The following NIN variants were observed in gnomAD, a reference collection of about 807,000 sequenced individuals.
The protein encoded by NIN is ninein.
Under a neutral mutation model 257.6 loss-of-function variants are expected in NIN, and 137 were observed. The observed-to-expected ratio is 0.53, with a 90% CI of 0.46 to 0.61. The LOEUF is 0.61. NIN is among the 20% of genes least tolerant of loss of function. The probability of loss-of-function intolerance (pLI) is 0.00; values close to 1 mark genes in which losing one functional copy is unlikely to be tolerated. For synonymous variants in NIN, 918 were observed against 919.8 expected (o/e 1.00, Z 0.04); for missense variants, 2,439 against 2,501.2 (o/e 0.98, Z 0.53).
rs73297303 is a variant in NIN at position 50,753,916 on chromosome 14, T to C, written c.4734+647A>G. ...TCTGTGACTTGACCATTCATATAGA[T>C]TGCCTATATTTCAACTGGATTTTCC... On this transcript the variant is annotated intron_variant, in intron 20 of 30. Coordinates refer to ENST00000530997, the MANE Select transcript of NIN (RefSeq NM_020921.4). Among the ~76,000 whole-genome samples, 1,017 of 152,326 alleles carry C rather than the reference T, an allele frequency of 6.7e-3. 12 individuals carry two copies. Among genetic ancestry groups the C allele is most frequent in the East Asian group, 0.025 (132 of 5,188 alleles).
intron 2 of NIN, among the ~76,000 whole-genome samples, chr14:50,826,375 A>C (rs1232224982): frequency 3.3e-5 from 5 of 152,200 alleles, no homozygotes; most frequent in African/African-American, 1.2e-4. Context: ...GTTAAATAAG[A>C]AGCAGATGCA....
intron 3 of NIN, among the ~76,000 whole-genome samples, chr14:50,820,876 A>G (rs936744741): frequency 6.6e-6 from 1 of 152,212 alleles, no homozygotes; most frequent in African/African-American, 2.4e-5. Context: ...AGGTTACAGA[A>G]AGCCAATACA....
chr14:50,794,363 G>A (rs1258211276), intron 4 of NIN: 4 of 268,862 alleles, frequency 1.5e-5, no homozygotes, highest in African/African-American at 6.9e-5. Context: ...TTATTAGGTC[G>A]AGTGATTCTC....
chr14:50,754,227 G>A (rs1392643959), intron 20 of NIN, among the ~76,000 whole-genome samples: 2 of 152,102 alleles, frequency 1.3e-5, no homozygotes, highest in African/African-American at 2.4e-5. Flanking sequence ...ATCATGGTGA[G>A]GAAAAAGGAA....
At chr14:50,787,209 G>A (rs1178202440) in intron 5 of NIN, among the ~76,000 whole-genome samples, 1 of 152,198 alleles carries the variant, frequency 6.6e-6, no homozygotes, top group Non-Finnish European at 1.5e-5. Flanking sequence ...TTTATTCCCT[G>A]TGGAGGAAAA....
At chr14:50,731,617 C>T (rs984295731) in intron 28 of NIN, among the ~76,000 whole-genome samples, 5 of 151,722 alleles carry the variant, frequency 3.3e-5, no homozygotes, top group Non-Finnish European at 7.4e-5. Flanking sequence ...AGGTGGATCA[C>T]GAGGTCAGGA....
chr14:50,729,652 C>T lies in NIN; in HGVS notation c.5949G>A (p.Gln1983=). 6.2e-7 allele frequency: 1 copy of T among 1,613,888 alleles called. No individual in the cohort carries two copies. Among genetic ancestry groups the T allele is most frequent in the African/African-American group, 1.3e-5 (1 of 75,048 alleles). The change falls in exon 29 of 31, where the codon CAG becomes CAA. Residue 1983 remains glutamine (Q), a synonymous_variant. Transcript: ENST00000530997. The part of the protein sequence containing the change: ...PHAWDLQLLQ[Q]QACPMVPREQ... ...CCCTGGGCACCATCGGACAGGCTTG[C>T]TGCTGGAGCAGCTGCAAATCCCAAG...
intron 9 of NIN, 130 bp downstream of exon 9, chr14:50,772,171 A>G: frequency 1.1e-6 from 1 of 889,188 alleles, no homozygotes; most frequent in South Asian, 2.1e-5. Context: ...GTTACCTTTT[A>G]TCTTTGAGAC....
intron 4 of NIN, among the ~76,000 whole-genome samples, chr14:50,805,079 T>C (rs2044262693): frequency 6.6e-6 from 1 of 152,204 alleles, no homozygotes; most frequent in Non-Finnish European, 1.5e-5. Context: ...AGCAGGAGGA[T>C]CATGTGGATT....
chr14:50,726,007 T>A lies in NIN; in HGVS notation c.6138A>T (p.Lys2046Asn), dbSNP rs778162546. 3.1e-6 allele frequency: 5 copies of A among 1,614,106 alleles called. No homozygotes were observed. The East Asian group carries it at 8.9e-5, about 29-fold the overall frequency. The change falls in exon 30 of 31, where the codon AAA becomes AAT. Residue 2046 changes from lysine to asparagine, a missense_variant. Transcript: ENST00000530997. ...MEERMIEVEQ[K>N]LKLVKRLLQE... ...GAAGAAGCCTTTTCACTAGTTTCAG[T>A]TTCTGTTCAACTTCTATCATTCGTT...
intron 4 of NIN, chr14:50,806,486 G>T: frequency 2.6e-6 from 1 of 384,770 alleles, no homozygotes; most frequent in Non-Finnish European, 4.6e-6. Context: ...TTCCAAGAAT[G>T]AGTTATTGCC....
intron 12 of NIN, 68 bp downstream of exon 12, chr14:50,770,320 C>T (rs934396033): frequency 1.3e-6 from 2 of 1,501,210 alleles, no homozygotes; most frequent in African/African-American, 1.4e-5. Context: ...TGCCCACTTC[C>T]AAAGCTGTAG....
chr14:50,827,901 C>G (rs1451158276), intron 2 of NIN, among the ~76,000 whole-genome samples: 1 of 151,118 alleles, frequency 6.6e-6, no homozygotes, highest in Non-Finnish European at 1.5e-5. Flanking sequence ...ATGTAATAAA[C>G]CCATGCTTTT....
intron 20 of NIN, 108 bp downstream of exon 20, chr14:50,754,455 T>A: frequency 1.2e-6 from 1 of 832,972 alleles, no homozygotes; most frequent in Non-Finnish European, 1.9e-6. Context: ...AACCTTACCA[T>A]CATTAGCTAT....
intron 12 of NIN, among the ~76,000 whole-genome samples, chr14:50,767,971 AT>A (rs1267055485): frequency 2.6e-5 from 4 of 152,006 alleles, no homozygotes; most frequent in Non-Finnish European, 4.4e-5. Context: ...ATAATAACAC[AT>A]CAACTAAAAC....
chr14:50,761,921 C>T lies in NIN; in HGVS notation c.1775-10G>A. 6.2e-7 allele frequency: 1 copy of T among 1,613,926 alleles called. No homozygotes were observed. Among genetic ancestry groups the T allele is most frequent in the Non-Finnish European group, 8.5e-7 (1 of 1,179,862 alleles). On this transcript the variant is annotated splice_polypyrimidine_tract_variant and intron_variant, in intron 15 of 30. Transcript: ENST00000530997. Reference sequence around the variant, plus strand: ...TCTTCAGAACCGAGCCCTGAAAACACATGGGACTCATTGATCCTGCAGCAG... The same window carrying T: ...TCTTCAGAACCGAGCCCTGAAAACATATGGGACTCATTGATCCTGCAGCAG...
At chr14:50,831,168 C>T (rs1331416936), upstream of NIN, 1 of 150,764 alleles carries the variant, frequency 6.6e-6, no homozygotes, top group Admixed American at 6.6e-5. Flanking sequence ...GGGCCGGGCC[C>T]GCGCGGGGAG....
Position 50,729,640 on chromosome 14 carries a change from C to T in NIN, c.5961G>A (p.Pro1987=), listed in dbSNP as rs200967473. The T allele has an allele frequency of 4.7e-5, 76 of 1,613,996 alleles. No homozygotes were observed. In the Admixed American group the frequency reaches 5.5e-4, roughly 12 times the overall value. Residue 1987 remains proline (P), a synonymous_variant, in exon 29 of 31, where the codon CCG becomes CCA. Coordinates refer to ENST00000530997, the MANE Select transcript of NIN (RefSeq NM_020921.4). ...GCAGAAACTGCTCCCTGGGCACCAT[C>T]GGACAGGCTTGCTGCTGGAGCAGCT... ...DLQLLQQQAC[P]MVPREQFLQL...
chr14:50,739,484 A>G lies in NIN; in HGVS notation c.5452T>C (p.Trp1818Arg). 6.2e-7 allele frequency: 1 copy of G among 1,614,062 alleles called. No homozygotes were observed. Among genetic ancestry groups the G allele is most frequent in the East Asian group, 2.2e-5 (1 of 44,886 alleles). The part of the protein sequence containing the change: ...KQLQNAGGKS[W>R]APEIATHPSG... ...GGATGAGTAGCTATCTCTGGGGCCCAGCTCTTAAGAGAATTGCAGAGTGTA... is the reference window on the plus strand; with the variant it reads ...GGATGAGTAGCTATCTCTGGGGCCCGGCTCTTAAGAGAATTGCAGAGTGTA... Residue 1818 changes from tryptophan to arginine, a missense_variant, in exon 26 of 31, where the codon TGG (tryptophan) becomes CGG (arginine). Trp to Arg is a moderately radical substitution (Grantham distance 101). Around this residue, in one of 3 missense-constraint regions of NIN, gnomAD observed 2,043 missense variants for 2,050.2 expected, o/e 1.00. Transcript: ENST00000530997.
Sources: allele counts gnomAD v4.1 joint callset (sites outside exome capture counted in the v4.1 genomes callset), GRCh38; gene constraint gnomAD v4.1.1; regional missense constraint gnomAD v4.1.1; transcripts MANE v1.5; gene names NCBI Gene and HGNC (gene_info 2026-07-23, HGNC 2026-07-21).